PLS3: variants seen among roughly 807,000 people sequenced by gnomAD.
PLS3 encodes the protein plastin 3.
Under a neutral mutation model 46.5 loss-of-function variants are expected in PLS3, and 11 were observed. That is an observed-to-expected ratio of 0.24 (90% CI 0.15 to 0.39). The LOEUF (loss-of-function observed/expected upper bound fraction) is 0.39, where lower values mean the gene tolerates loss of function less well. Ranked by LOEUF, PLS3 falls within the 10% of genes least tolerant of loss-of-function variation. The pLI is 1.00. For synonymous variants in PLS3, 167 were observed against 162.2 expected (o/e 1.03, Z -0.22); for missense variants, 308 against 461.8 (o/e 0.67, Z 3.05).
chrX:115,604,568 C>T lies in PLS3; in HGVS notation c.-8-5675C>T, dbSNP rs151274202. ...CAATAATCGATGCCTTCTAATTTCA[C>T]GTCCAACATCTTTCTGTTAAAACAT... On this transcript the variant is annotated intron_variant, in intron 1 of 15. Coordinates refer to ENST00000355899, the MANE Select transcript of PLS3 (RefSeq NM_005032.7). 1.8e-3 allele frequency among the ~76,000 whole-genome samples: 203 copies of T among 111,792 alleles called. 3 individuals carry two copies. The East Asian group carries it at 0.052, about 29-fold the overall frequency.
chrX:115,585,199 C>G (rs2074300432), intron 1 of PLS3, among the ~76,000 whole-genome samples: 1 of 110,641 alleles, frequency 9.0e-6, no homozygotes, highest in Non-Finnish European at 1.9e-5. Flanking sequence ...ACTCTGAGCC[C>G]CTTGAGGATA....
intron 1 of PLS3, among the ~76,000 whole-genome samples, chrX:115,602,315 G>A (rs2074452789): frequency 8.9e-6 from 1 of 111,907 alleles, no homozygotes; most frequent in Non-Finnish European, 1.9e-5. Context: ...TTAAGTTAAT[G>A]CTTGATTAAT....
chrX:115,610,570 C>G (rs1194581492), intron 2 of PLS3, among the ~76,000 whole-genome samples: 2 of 108,152 alleles, frequency 1.8e-5, no homozygotes, highest in Admixed American at 1.0e-4. Context: ...TTTTAGACCA[C>G]AGTTCCAATC....
At chrX:115,630,877 G>GTA (rs1183698847) in intron 5 of PLS3, among the ~76,000 whole-genome samples, 1 of 91,139 alleles carries the variant, frequency 1.1e-5, no homozygotes, top group East Asian at 3.2e-4. Flanking sequence ...ATGTATATAT[G>GTA]TATATATATG....
At chrX:115,596,388 TA>T (rs1450100765) in intron 1 of PLS3, among the ~76,000 whole-genome samples, 1 of 111,704 alleles carries the variant, frequency 9.0e-6, no homozygotes, top group African/African-American at 3.3e-5. Flanking sequence ...CAAAGTCAAA[TA>T]AGATACCAAC....
intron 1 of PLS3, among the ~76,000 whole-genome samples, chrX:115,570,136 C>T (rs1425186091): frequency 1.8e-5 from 2 of 110,407 alleles, no homozygotes; most frequent in Non-Finnish European, 3.8e-5. Flanking sequence ...GGGGTTTCAC[C>T]GTCTTGGCCA....
At chrX:115,583,482 A>T (rs114557402) in intron 1 of PLS3, among the ~76,000 whole-genome samples, 3,484 of 112,782 alleles carry the variant, frequency 0.031, 143 homozygotes, top group African/African-American at 0.11. Context: ...ACAGCGAGTC[A>T]ACTATTTTTC....
intron 2 of PLS3, among the ~76,000 whole-genome samples, chrX:115,617,979 TGC>T (rs1481107914): frequency 7.2e-5 from 8 of 111,323 alleles, no homozygotes; most frequent in African/African-American, 2.3e-4. Context: ...CAGGCTAGAG[TGC>T]CATGATGCCA....
chrX:115,624,546 A>G (rs1417302169), intron 3 of PLS3, among the ~76,000 whole-genome samples: 2 of 111,644 alleles, frequency 1.8e-5, no homozygotes, highest in African/African-American at 6.6e-5. Context: ...TTTTTAATCT[A>G]TTAGAAAGAA....
At chrX:115,633,443 T>G (rs782561961) in intron 5 of PLS3, among the ~76,000 whole-genome samples, 6 of 111,911 alleles carry the variant, frequency 5.4e-5, no homozygotes, top group African/African-American at 1.9e-4. Flanking sequence ...AGTGTGGGAT[T>G]ACAGGCGTGA....
chrX:115,610,487 CT>C lies in PLS3; in HGVS notation c.73+178del, dbSNP rs368406135. 9.0e-3 allele frequency among the ~76,000 whole-genome samples: 844 copies of C among 93,920 alleles called. 6 individuals are homozygous for C. Among genetic ancestry groups the C allele is most frequent in the African/African-American group, 0.024 (629 of 26,259 alleles). The allele number at this position is 93,920 out of a possible 115,157, so 81.6% of individuals were successfully genotyped here. ...AGCTATACTTAAAATTGTTTTATTTCTTTTTTTTTTTTTTGGTCGAGTGGTA... is the reference window on the plus strand; with the variant it reads ...AGCTATACTTAAAATTGTTTTATTTCTTTTTTTTTTTTTGGTCGAGTGGTA... On this transcript the variant is annotated intron_variant, in intron 2 of 15. Transcript: ENST00000355899.
chrX:115,599,624 CATTATT>C (rs781845776), intron 1 of PLS3, among the ~76,000 whole-genome samples: 5 of 93,876 alleles, frequency 5.3e-5, no homozygotes, highest in Non-Finnish European at 1.0e-4. Flanking sequence ...TGGAGAAACA[CATTATT>C]ATTATTATTA....
In PLS3 at chrX:115,605,919, T is replaced by C. The variant is rs782130132; in HGVS notation, c.-8-4324T>C. On this transcript the variant is annotated intron_variant, in intron 1 of 15. Coordinates refer to ENST00000355899, the MANE Select transcript of PLS3 (RefSeq NM_005032.7). ...CTTTATGTCATATTGTAATTATTCA[T>C]GTTTGCTTCGCAGATTGTAAATTCC... Among the ~76,000 whole-genome samples the C allele has an allele frequency of 3.6e-5, 4 of 111,000 alleles. No homozygotes were observed. In the South Asian group the frequency reaches 1.5e-3, roughly 42 times the overall value.
intron 2 of PLS3, among the ~76,000 whole-genome samples, chrX:115,620,706 CTTTTTTTTTTT>C (rs1176959674): frequency 1.8e-4 from 10 of 54,734 alleles, no homozygotes; most frequent in Admixed American, 7.9e-4. Context: ...TTTTTCTTTT[CTTTTTTTTTTT>C]TTTTTTTTTT....
At chrX:115,597,977 A>G (rs1450608619) in intron 1 of PLS3, among the ~76,000 whole-genome samples, 9 of 111,511 alleles carry the variant, frequency 8.1e-5, no homozygotes, top group African/African-American at 2.9e-4. Context: ...TATTTCTTTC[A>G]TAGATGTTTG....
chrX:115,584,772 T>C (rs2074297599), intron 1 of PLS3, among the ~76,000 whole-genome samples: 1 of 111,872 alleles, frequency 8.9e-6, no homozygotes, highest in Non-Finnish European at 1.9e-5. Flanking sequence ...TACTTAAATG[T>C]ATTTAATGCT....
At chrX:115,569,292 C>G (rs950412498) in intron 1 of PLS3, among the ~76,000 whole-genome samples, 8 of 110,532 alleles carry the variant, frequency 7.2e-5, no homozygotes, top group Admixed American at 1.9e-4. Flanking sequence ...TTTTAAGAAG[C>G]CTTTATGTTT....
chrX:115,592,132 G>A (rs1300216161), intron 1 of PLS3, among the ~76,000 whole-genome samples: 2 of 111,500 alleles, frequency 1.8e-5, no homozygotes, highest in Non-Finnish European at 3.8e-5. Flanking sequence ...CTGAGAGTTC[G>A]GTATGCTATC....
chrX:115,591,032 A>G (rs1202612558), intron 1 of PLS3, among the ~76,000 whole-genome samples: 4 of 102,146 alleles, frequency 3.9e-5, no homozygotes, highest in Middle Eastern at 5.9e-3. Flanking sequence ...CCAGCTACTC[A>G]GGAGGCTGAG....
Sources: allele counts gnomAD v4.1 joint callset (sites outside exome capture counted in the v4.1 genomes callset), GRCh38; gene constraint gnomAD v4.1.1; transcripts MANE v1.5; gene names NCBI Gene and HGNC (gene_info 2026-07-23, HGNC 2026-07-21).